Variants in ARHGAP22 observed in about 807,000 individuals in gnomAD.
ARHGAP22 encodes the protein Rho GTPase activating protein 22, also known as rho GTPase-activating protein 22.
ARHGAP22 carries 48 observed loss-of-function variants against 59.1 expected under a neutral mutation model. The ratio of observed to expected loss-of-function variants is 0.81; its 90% CI spans 0.64 to 1.03. The LOEUF (loss-of-function observed/expected upper bound fraction) is 1.03, where lower values mean the gene tolerates loss of function less well. Ranked by LOEUF, ARHGAP22 falls within the 50% of genes least tolerant of loss-of-function variation. The pLI is 0.00. For synonymous variants in ARHGAP22, 445 were observed against 416.4 expected (o/e 1.07, Z -0.84); for missense variants, 1,015 against 958.7 (o/e 1.06, Z -0.78).
intron 1 of ARHGAP22, among the ~76,000 whole-genome samples, chr10:48,601,834 T>C (rs189371768): frequency 6.6e-6 from 1 of 152,358 alleles, no homozygotes; most frequent in Non-Finnish European, 1.5e-5. Flanking sequence ...TTCTATGAGT[T>C]GTCTAGATCT....
At chr10:48,466,714 C>CG (rs1350642144) in intron 4 of ARHGAP22, 3 of 147,430 alleles carry the variant, frequency 2.0e-5, no homozygotes, top group Non-Finnish European at 4.5e-5. Flanking sequence ...CTGGAATGCC[C>CG]GGCACGCGCG....
intron 3 of ARHGAP22, among the ~76,000 whole-genome samples, chr10:48,514,142 T>C (rs1056204233): frequency 6.6e-6 from 1 of 150,594 alleles, no homozygotes; most frequent in East Asian, 2.0e-4. Context: ...TGAAGAAAAA[T>C]GAACAGAACC....
intron 4 of ARHGAP22, among the ~76,000 whole-genome samples, chr10:48,475,342 T>G (rs891578886): frequency 6.6e-6 from 1 of 152,186 alleles, no homozygotes; most frequent in African/African-American, 2.4e-5. Flanking sequence ...GCCTTATGAC[T>G]TCAAACCCCA....
chr10:48,467,854 C>A (rs2047869607), intron 4 of ARHGAP22, among the ~76,000 whole-genome samples: 1 of 152,078 alleles, frequency 6.6e-6, no homozygotes, highest in Admixed American at 6.6e-5. Flanking sequence ...GGATTTGCGG[C>A]CCTGGGGCTG....
chr10:48,642,308 G>A (rs2062083206), intron 1 of ARHGAP22, among the ~76,000 whole-genome samples: 1 of 152,178 alleles, frequency 6.6e-6, no homozygotes, highest in African/African-American at 2.4e-5. Context: ...GAACAAAGCT[G>A]GAGGCATCAC....
chr10:48,500,551 A>G (rs2051403749), intron 3 of ARHGAP22, among the ~76,000 whole-genome samples: 1 of 152,132 alleles, frequency 6.6e-6, no homozygotes. Context: ...ATCAAGCTGA[A>G]TCCTTATGTC....
At chr10:48,614,221 G>T (rs142034599) in intron 1 of ARHGAP22, among the ~76,000 whole-genome samples, 1 of 152,320 alleles carries the variant, frequency 6.6e-6, no homozygotes, top group African/African-American at 2.4e-5. Context: ...GCCAAAACAG[G>T]TTTAGTGTTT....
chr10:48,590,612 C>T (rs2059693587), intron 1 of ARHGAP22, among the ~76,000 whole-genome samples: 1 of 152,146 alleles, frequency 6.6e-6, no homozygotes, highest in African/African-American at 2.4e-5. Context: ...TGCATTTGTG[C>T]CAGGGTGCCC....
rs147023084 is a variant in ARHGAP22 at position 48,453,209 on chromosome 10, G to T, written c.988+95C>A. The T allele has an allele frequency of 1.6e-3, 2,443 of 1,567,048 alleles. 34 individuals are homozygous for T. In the African/African-American group the frequency reaches 0.03, roughly 19 times the overall value. On this transcript the variant is annotated intron_variant, in intron 8 of 9. Transcript: ENST00000249601. ...CTGAGCCACCCCTCCTGCTGGCCTG[G>T]CCCTGGGCTGGGATGGTTCCAAGGA...
chr10:48,598,204 G>A (rs990288544), intron 1 of ARHGAP22, among the ~76,000 whole-genome samples: 1 of 152,202 alleles, frequency 6.6e-6, no homozygotes, highest in African/African-American at 2.4e-5. Flanking sequence ...TCAGTTGGTT[G>A]GAGTTATCTG....
chr10:48,611,274 C>G (rs2060873313), intron 1 of ARHGAP22, among the ~76,000 whole-genome samples: 1 of 152,184 alleles, frequency 6.6e-6, no homozygotes, highest in African/African-American at 2.4e-5. Flanking sequence ...GTGTGACACC[C>G]TGGGCTAGGC....
intron 9 of ARHGAP22, among the ~76,000 whole-genome samples, chr10:48,446,970 C>T (rs1013320339): frequency 3.9e-5 from 6 of 152,190 alleles, no homozygotes; most frequent in Non-Finnish European, 5.9e-5. Context: ...GGTTGGGACT[C>T]GGACTGTCCC....
In ARHGAP22 at chr10:48,450,311, G is replaced by T; in HGVS notation, c.1818C>A (p.Leu606=). The change falls in exon 9 of 10, where the codon CTC becomes CTA. Residue 606 remains leucine, a synonymous_variant. Coordinates refer to ENST00000249601, the MANE Select transcript of ARHGAP22 (RefSeq NM_021226.4). ...TCCGCTGGCGGCACAGCTCGGCCCT[G>T]AGCTCAGTGACCAGCCCCTGTAAGG... The part of the protein sequence containing the change: ...SEALQGLVTE[L]RAELCRQRTE... 6.2e-7 allele frequency: 1 copy of T among 1,606,966 alleles called. No homozygotes were observed. Among genetic ancestry groups the T allele is most frequent in the African/African-American group, 1.3e-5 (1 of 74,920 alleles).
intron 4 of ARHGAP22, among the ~76,000 whole-genome samples, chr10:48,462,604 G>C (rs1282829868): frequency 6.6e-6 from 1 of 152,188 alleles, no homozygotes; most frequent in Non-Finnish European, 1.5e-5. Flanking sequence ...CCTATGTGAG[G>C]CATCCCCCAA....
At chr10:48,479,800 C>A (rs767167092) in intron 3 of ARHGAP22, 36 bp from the exon 4 acceptor site, 1 of 1,525,118 alleles carries the variant, frequency 6.6e-7, no homozygotes, top group East Asian at 2.3e-5. Context: ...ACGCAGGGTC[C>A]CTGCCCGCAG....
intron 1 of ARHGAP22, among the ~76,000 whole-genome samples, chr10:48,593,508 G>A (rs1311881754): frequency 6.6e-6 from 1 of 152,154 alleles, no homozygotes; most frequent in Non-Finnish European, 1.5e-5. Flanking sequence ...TTGTGCTCTG[G>A]AGCCATTATT....
chr10:48,529,091 G>GGC (rs1274461084), intron 3 of ARHGAP22, among the ~76,000 whole-genome samples: 4 of 152,172 alleles, frequency 2.6e-5, no homozygotes, highest in Non-Finnish European at 4.4e-5. Flanking sequence ...CTTGGGTCAG[G>GGC]GGAGTCACAA....
At chr10:48,557,732 G>C (rs2057399715) in intron 2 of ARHGAP22, among the ~76,000 whole-genome samples, 1 of 152,230 alleles carries the variant, frequency 6.6e-6, no homozygotes, top group Middle Eastern at 3.2e-3. Context: ...CACTTCTCAG[G>C]GGAATCCCAG....
intron 1 of ARHGAP22, among the ~76,000 whole-genome samples, chr10:48,618,257 C>T (rs539847106): frequency 1.1e-4 from 17 of 151,978 alleles, no homozygotes; most frequent in African/African-American, 4.1e-4. Context: ...AGAATTCTAC[C>T]AAACATTTAA....
Sources: gnomAD v4.1 joint callset for allele counts (sites outside exome capture counted in the v4.1 genomes callset) on GRCh38, gnomAD v4.1.1 for gene constraint, MANE v1.5 for transcripts, NCBI Gene and HGNC (gene_info 2026-07-23, HGNC 2026-07-21) for gene names.